The following SPAG16 variants were observed in gnomAD, a reference collection of about 807,000 sequenced individuals.
SPAG16 encodes the protein sperm associated antigen 16.
A neutral mutation model predicts 80.4 loss-of-function variants in SPAG16; 86 were observed. The observed-to-expected ratio is 1.07, with a 90% CI of 0.90 to 1.28. The LOEUF (loss-of-function observed/expected upper bound fraction) is 1.28. Ranked by LOEUF, SPAG16 falls within the 50% of genes most tolerant of loss-of-function variation. SPAG16 has a pLI of 0.00. For missense variants in SPAG16, 870 were observed against 765.3 expected, an observed-to-expected ratio of 1.14 and a Z score of -1.61; for synonymous variants, 294 against 265.9, an observed-to-expected ratio of 1.11 and a Z score of -1.03.
At chr2:214,205,091 T>C (rs1215317050) in intron 15 of SPAG16, among the ~76,000 whole-genome samples, 1 of 152,058 alleles carries the variant, frequency 6.6e-6, no homozygotes, top group Non-Finnish European at 1.5e-5. Context: ...TAGCTGAGCA[T>C]GTTGGCAGGC....
chr2:214,375,366 C>T (rs1700063593), intron 15 of SPAG16, among the ~76,000 whole-genome samples: 2 of 152,128 alleles, frequency 1.3e-5, no homozygotes, highest in African/African-American at 2.4e-5. Context: ...AACCAGTTTA[C>T]GAAGTAGGGC....
chr2:214,161,706 A>T (rs941463187), intron 15 of SPAG16, among the ~76,000 whole-genome samples: 42 of 152,060 alleles, frequency 2.8e-4, no homozygotes, highest in Non-Finnish European at 1.2e-4. Context: ...AGAGAGCATT[A>T]GGAAAAATAG....
At chr2:214,129,041 C>T (rs1203711441) in intron 14 of SPAG16, among the ~76,000 whole-genome samples, 2 of 150,540 alleles carry the variant, frequency 1.3e-5, no homozygotes, top group African/African-American at 4.8e-5. Context: ...TTTCGTGTTC[C>T]CTCTAATCAT....
intron 10 of SPAG16, among the ~76,000 whole-genome samples, chr2:213,778,029 A>G (rs2069712601): frequency 1.3e-5 from 2 of 152,154 alleles, no homozygotes; most frequent in South Asian, 4.1e-4. Flanking sequence ...GCTAGATAAT[A>G]AATTTCTGGA....
intron 10 of SPAG16, among the ~76,000 whole-genome samples, chr2:213,823,417 G>T (rs1371258728): frequency 1.3e-5 from 2 of 152,132 alleles, no homozygotes; most frequent in East Asian, 3.9e-4. Context: ...CTGGAGTGCA[G>T]TGGCGTGATC....
At chr2:214,011,375 A>T (rs111314555) in intron 12 of SPAG16, among the ~76,000 whole-genome samples, 2,042 of 138,988 alleles carry the variant, frequency 0.015, 401 homozygotes, top group African/African-American at 0.058. Context: ...TCCTCAAAAA[A>T]GATTAAATGT....
At chr2:213,604,386 A>G (rs2061180645) in intron 10 of SPAG16, among the ~76,000 whole-genome samples, 1 of 152,012 alleles carries the variant, frequency 6.6e-6, no homozygotes. Context: ...CTCAAGCTTC[A>G]TGAGGCAGAA....
chr2:214,251,750 T>A (rs1690308314), intron 15 of SPAG16, among the ~76,000 whole-genome samples: 1 of 152,178 alleles, frequency 6.6e-6, no homozygotes, highest in African/African-American at 2.4e-5. Context: ...GCCTCAGACA[T>A]GTTCCACTAT....
At chr2:214,340,987 G>A (rs1697645360) in intron 15 of SPAG16, among the ~76,000 whole-genome samples, 1 of 152,156 alleles carries the variant, frequency 6.6e-6, no homozygotes, top group South Asian at 2.1e-4. Flanking sequence ...AAGAAAATTT[G>A]TTCCTGGAGG....
chr2:214,141,814 C>T (rs1298749954), intron 14 of SPAG16, among the ~76,000 whole-genome samples: 1 of 152,062 alleles, frequency 6.6e-6, no homozygotes, highest in Admixed American at 6.5e-5. Flanking sequence ...AATATCTCTT[C>T]GTCCATAATA....
intron 14 of SPAG16, among the ~76,000 whole-genome samples, chr2:214,144,792 G>A (rs775198060): frequency 5.3e-5 from 8 of 151,958 alleles, no homozygotes; most frequent in Non-Finnish European, 1.2e-4. Context: ...TATAACATAC[G>A]TGTATATGAA....
At chr2:214,404,801 T>C (rs1048581750) in intron 15 of SPAG16, among the ~76,000 whole-genome samples, 1 of 152,122 alleles carries the variant, frequency 6.6e-6, no homozygotes. Flanking sequence ...ATAATAGAAA[T>C]GGTAGAACCA....
At chr2:213,639,829 A>G (rs1574602747) in intron 10 of SPAG16, among the ~76,000 whole-genome samples, 1 of 152,300 alleles carries the variant, frequency 6.6e-6, no homozygotes, top group East Asian at 1.9e-4. Flanking sequence ...ATTCCCTCAA[A>G]TAAGTTTTCC....
At position 213,741,500 on chromosome 2, in the gene SPAG16, G is replaced by A. The variant is rs528442165; in HGVS notation, c.1071-120985G>A. On this transcript the variant is annotated intron_variant, in intron 10 of 15. Coordinates refer to ENST00000331683, the MANE Select transcript of SPAG16 (RefSeq NM_024532.5). Reference sequence around the variant, plus strand: ...AAGACTAAGGAAAAAAAAGTAAACCGCTGAGTAAAATAAAATGATACACAG... The same window carrying A: ...AAGACTAAGGAAAAAAAAGTAAACCACTGAGTAAAATAAAATGATACACAG... Among the ~76,000 whole-genome samples, 19 of 152,074 alleles carry A rather than the reference G, an allele frequency of 1.2e-4. 1 individual carries two copies. The highest frequency in any genetic ancestry group is 1.7e-4 in the African/African-American group (7 of 41,496).
chr2:214,357,181 C>T (rs1698870597), intron 15 of SPAG16, among the ~76,000 whole-genome samples: 1 of 151,838 alleles, frequency 6.6e-6, no homozygotes, highest in African/African-American at 2.4e-5. Flanking sequence ...CTTTGGTTCT[C>T]TGCAGTTTCA....
Position 213,799,972 on chromosome 2 carries a change from A to G in SPAG16, c.1071-62513A>G, listed in dbSNP as rs545239703. ...GATAGACTGGATTGAAAAAAAAAAA[A>G]AAAAGAAAAAACTGTTTTCAGCTCT... On this transcript the variant is annotated intron_variant, in intron 10 of 15. Coordinates refer to ENST00000331683, the MANE Select transcript of SPAG16 (RefSeq NM_024532.5). 2.9e-3 allele frequency among the ~76,000 whole-genome samples: 437 copies of G among 152,002 alleles called. 7 individuals carry two copies. The South Asian group carries it at 0.033, about 11-fold the overall frequency.
Position 213,674,874 on chromosome 2 carries a change from A to T in SPAG16, c.1070+184784A>T, listed in dbSNP as rs527797264. Among the ~76,000 whole-genome samples the T allele has an allele frequency of 2.7e-5, 4 of 149,578 alleles. No homozygotes were observed. The South Asian group carries it at 8.3e-4, about 31-fold the overall frequency. On this transcript the variant is annotated intron_variant, in intron 10 of 15. Transcript: ENST00000331683. ...GTGCATGTGTCTTTATAGCAGCATGATTTATAATCCTTTGGGTATATACCC... is the reference window on the plus strand; with the variant it reads ...GTGCATGTGTCTTTATAGCAGCATGTTTTATAATCCTTTGGGTATATACCC...
At chr2:213,427,680 A>T (rs2070022706) in intron 9 of SPAG16, among the ~76,000 whole-genome samples, 1 of 152,322 alleles carries the variant, frequency 6.6e-6, no homozygotes, top group Non-Finnish European at 1.5e-5. Flanking sequence ...TTATCTACAT[A>T]TTCTCATCCT....
intron 15 of SPAG16, among the ~76,000 whole-genome samples, chr2:214,299,243 CTTTT>C (rs33961996): frequency 1.4e-4 from 8 of 57,680 alleles, no homozygotes; most frequent in South Asian, 7.7e-4. Context: ...GTGTAGTATA[CTTTT>C]TTTTTTTTTT....
Sources: allele counts gnomAD v4.1 joint callset (sites outside exome capture counted in the v4.1 genomes callset), GRCh38; gene constraint gnomAD v4.1.1; transcripts MANE v1.5; gene names NCBI Gene and HGNC (gene_info 2026-07-23, HGNC 2026-07-21).